Variants in LRMDA observed in about 807,000 individuals in gnomAD.
LRMDA encodes the protein leucine-rich melanocyte differentiation-associated protein.
In LRMDA, 18 loss-of-function variants were observed where a neutral mutation model predicts 29.8. That is an observed-to-expected ratio of 0.60 (90% CI 0.42 to 0.90). LRMDA has a LOEUF of 0.90. Among genes scored for constraint, LRMDA ranks in the 40% least tolerant of loss-of-function variants. The probability of loss-of-function intolerance (pLI) is 0.00; values close to 1 mark genes in which losing one functional copy is unlikely to be tolerated. For synonymous variants in LRMDA, 125 were observed against 109.4 expected (o/e 1.14, Z -0.89); for missense variants, 273 against 273.9 (o/e 1.00, Z 0.02).
At chr10:75,953,817 C>T (rs1419658932) in intron 2 of LRMDA, among the ~76,000 whole-genome samples, 2 of 152,120 alleles carry the variant, frequency 1.3e-5, no homozygotes, top group Non-Finnish European at 2.9e-5. Context: ...TCCTTGTCCC[C>T]TAGTGCCCAG....
At chr10:76,415,982 A>G (rs1842010410) in intron 6 of LRMDA, among the ~76,000 whole-genome samples, 2 of 152,206 alleles carry the variant, frequency 1.3e-5, no homozygotes, top group South Asian at 4.1e-4. Flanking sequence ...TTTGTGAGGC[A>G]AGGTCTGAGA....
chr10:75,466,681 C>T (rs947460177), intron 2 of LRMDA, among the ~76,000 whole-genome samples: 5 of 152,082 alleles, frequency 3.3e-5, no homozygotes, highest in Non-Finnish European at 7.4e-5. Context: ...GTGCCCTGCC[C>T]CCTCCTCAGC....
intron 6 of LRMDA, among the ~76,000 whole-genome samples, chr10:76,362,635 G>A (rs1564520396): frequency 6.6e-6 from 1 of 152,142 alleles, no homozygotes; most frequent in Non-Finnish European, 1.5e-5. Context: ...GGCTTCAAAT[G>A]TACCTATCAT....
chr10:76,205,876 C>A (rs1013479256), intron 5 of LRMDA, among the ~76,000 whole-genome samples: 1 of 151,974 alleles, frequency 6.6e-6, no homozygotes, highest in African/African-American at 2.4e-5. Flanking sequence ...GGTCTTTGGG[C>A]CAGCAACATT....
intron 2 of LRMDA, among the ~76,000 whole-genome samples, chr10:75,620,743 T>G (rs1380437867): frequency 6.6e-6 from 1 of 152,278 alleles, no homozygotes; most frequent in Non-Finnish European, 1.5e-5. Flanking sequence ...GAGTTACTCC[T>G]GTAATAATGG....
At chr10:75,864,313 A>G (rs532067970) in intron 2 of LRMDA, among the ~76,000 whole-genome samples, 5 of 152,326 alleles carry the variant, frequency 3.3e-5, no homozygotes, top group South Asian at 2.1e-4. Flanking sequence ...GATGTGCTCT[A>G]TGAACCTATG....
At chr10:75,543,513 C>A (rs1172091054) in intron 2 of LRMDA, among the ~76,000 whole-genome samples, 1 of 151,988 alleles carries the variant, frequency 6.6e-6, no homozygotes, top group African/African-American at 2.4e-5. Context: ...CTGAACAAAA[C>A]CCTCGTCCTA....
chr10:76,184,118 C>T (rs1470623042), intron 5 of LRMDA, among the ~76,000 whole-genome samples: 1 of 151,872 alleles, frequency 6.6e-6, no homozygotes, highest in East Asian at 1.9e-4. Flanking sequence ...GCAACCTCTG[C>T]CTCCTGGGTT....
chr10:76,332,806 A>G (rs1397963439), intron 6 of LRMDA, among the ~76,000 whole-genome samples: 1 of 152,190 alleles, frequency 6.6e-6, no homozygotes, highest in East Asian at 1.9e-4. Flanking sequence ...TTCATTTAGT[A>G]CCTATTGTGT....
intron 5 of LRMDA, among the ~76,000 whole-genome samples, chr10:76,254,014 T>C (rs565758383): frequency 1.3e-5 from 2 of 152,286 alleles, no homozygotes; most frequent in South Asian, 4.1e-4. Flanking sequence ...TTGGGATTTC[T>C]TTTTTTAACA....
chr10:76,053,263 G>A (rs930229551), intron 4 of LRMDA, among the ~76,000 whole-genome samples: 7 of 152,126 alleles, frequency 4.6e-5, no homozygotes, highest in Non-Finnish European at 5.9e-5. Flanking sequence ...GCTGACAGAG[G>A]GATGTCATCT....
intron 5 of LRMDA, among the ~76,000 whole-genome samples, chr10:76,099,586 T>C (rs1849365504): frequency 1.3e-5 from 2 of 151,754 alleles, no homozygotes; most frequent in African/African-American, 4.9e-5. Flanking sequence ...ATCCCATGTA[T>C]TTTGTTTTAT....
Position 75,648,179 on chromosome 10 carries a change from G to A in LRMDA, c.131+209685G>A, listed in dbSNP as rs561827997. Among the ~76,000 whole-genome samples, 9 of 152,324 alleles carry A rather than the reference G, an allele frequency of 5.9e-5. No individual in the cohort carries two copies. The South Asian group carries it at 1.7e-3, about 28-fold the overall frequency. On this transcript the variant is annotated intron_variant, in intron 2 of 6. Transcript: ENST00000611255. The stretch of plus-strand genomic sequence containing the variant: ...TTCACAACCACCCTGTTAGGCAGGG[G>A]CTGTTCTCTTTATTTAACAGATGAG...
intron 5 of LRMDA, among the ~76,000 whole-genome samples, chr10:76,204,151 A>T (rs551581353): frequency 3.4e-4 from 47 of 138,134 alleles, no homozygotes; most frequent in African/African-American, 1.3e-3. Context: ...TCTCTATTCC[A>T]TGTGCCCATC....
intron 5 of LRMDA, among the ~76,000 whole-genome samples, chr10:76,217,500 C>T (rs923120168): frequency 3.3e-5 from 5 of 152,104 alleles, no homozygotes; most frequent in African/African-American, 1.2e-4. Context: ...TGATGTGAGG[C>T]AAATCCAGAG....
At chr10:75,502,736 A>AT (rs1292476700) in intron 2 of LRMDA, among the ~76,000 whole-genome samples, 1 of 152,012 alleles carries the variant, frequency 6.6e-6, no homozygotes, top group Non-Finnish European at 1.5e-5. Flanking sequence ...CTTTCTCTTT[A>AT]TTTTATATTT....
chr10:76,292,030 T>C (rs1030599523), intron 5 of LRMDA, among the ~76,000 whole-genome samples: 19 of 152,072 alleles, frequency 1.2e-4, no homozygotes, highest in Non-Finnish European at 2.1e-4. Context: ...CAGTGAACCA[T>C]ACAAGTCAAT....
intron 6 of LRMDA, among the ~76,000 whole-genome samples, chr10:76,387,412 G>A (rs1564527393): frequency 6.6e-6 from 1 of 152,042 alleles, no homozygotes. Flanking sequence ...ACCAGCCCGG[G>A]CAATATGGCA....
chr10:75,563,816 G>T (rs991341419), intron 2 of LRMDA, among the ~76,000 whole-genome samples: 1 of 152,092 alleles, frequency 6.6e-6, no homozygotes, highest in Admixed American at 6.5e-5. Flanking sequence ...GTTTTCCTGG[G>T]TATCAGCAGC....
Sources: allele counts gnomAD v4.1 joint callset (sites outside exome capture counted in the v4.1 genomes callset), GRCh38; gene constraint gnomAD v4.1.1; transcripts MANE v1.5; gene names NCBI Gene and HGNC (gene_info 2026-07-23, HGNC 2026-07-21).